Variants in HYAL4 observed in about 807,000 individuals in gnomAD.
The protein encoded by HYAL4 is hyaluronidase-4.
A neutral mutation model predicts 35.2 loss-of-function variants in HYAL4; 37 were observed. The observed-to-expected ratio is 1.05, with a 90% CI of 0.81 to 1.38. HYAL4 has a LOEUF of 1.38. Among genes scored for constraint, HYAL4 ranks in the 40% most tolerant of loss-of-function variants. The probability of loss-of-function intolerance (pLI) is 0.00; values close to 1 mark genes in which losing one functional copy is unlikely to be tolerated. For synonymous variants in HYAL4, 198 were observed against 203.2 expected, an observed-to-expected ratio of 0.97 and a Z score of 0.22; for missense variants, 572 against 572.4, an observed-to-expected ratio of 1.00 and a Z score of 0.01.
upstream of HYAL4, among the ~76,000 whole-genome samples, chr7:123,827,612 C>T (rs1053723547): frequency 2.0e-5 from 3 of 152,140 alleles, no homozygotes; most frequent in East Asian, 3.8e-4. Context: ...ATGAGACTGC[C>T]TCCGATTGAA....
the HYAL4 span, among the ~76,000 whole-genome samples, chr7:123,782,778 T>C: frequency 1.3e-5 from 2 of 152,160 alleles, no homozygotes; most frequent in East Asian, 3.9e-4. Context: ...TGTACTCGCT[T>C]CTGAGAAGTC....
chr7:123,840,783 C>G (rs1806044639), upstream of HYAL4, among the ~76,000 whole-genome samples: 1 of 151,926 alleles, frequency 6.6e-6, no homozygotes, highest in Admixed American at 6.6e-5. Context: ...ATTTGGCTCT[C>G]TGTTTGTCTG....
chr7:123,822,490 T>C, the HYAL4 span, among the ~76,000 whole-genome samples: 1 of 152,346 alleles, frequency 6.6e-6, no homozygotes, highest in Admixed American at 6.5e-5. Context: ...ATGTTGATTT[T>C]GTATCCTGCA....
At chr7:123,856,075 T>A (rs1206775796) in intron 2 of HYAL4, among the ~76,000 whole-genome samples, 2 of 151,958 alleles carry the variant, frequency 1.3e-5, no homozygotes, top group African/African-American at 4.8e-5. Flanking sequence ...TTCTCTAAAC[T>A]TGTTATCCTA....
At chr7:123,780,576 A>T in the HYAL4 span, among the ~76,000 whole-genome samples, 1 of 152,232 alleles carries the variant, frequency 6.6e-6, no homozygotes, top group East Asian at 1.9e-4. Context: ...ACAGCCAAAT[A>T]CAAAATATCT....
chr7:123,870,484 C>T (rs1322740184), intron 3 of HYAL4, among the ~76,000 whole-genome samples: 2 of 151,994 alleles, frequency 1.3e-5, no homozygotes, highest in Admixed American at 6.6e-5. Flanking sequence ...GTTATCTAGG[C>T]CGGGTGCAGT....
intron 3 of HYAL4, among the ~76,000 whole-genome samples, chr7:123,874,143 C>T (rs1283765740): frequency 6.6e-6 from 1 of 152,106 alleles, no homozygotes; most frequent in Admixed American, 6.5e-5. Context: ...TATGTGCCCC[C>T]GATTTATTTC....
intron 3 of HYAL4, among the ~76,000 whole-genome samples, chr7:123,874,427 G>A (rs554186673): frequency 1.1e-4 from 16 of 151,866 alleles, no homozygotes; most frequent in Admixed American, 7.9e-4. Flanking sequence ...CTTTTGAGGC[G>A]GAGTCTCACC....
chr7:123,875,230 T>G (rs868361129), intron 4 of HYAL4, among the ~76,000 whole-genome samples: 3 of 152,228 alleles, frequency 2.0e-5, no homozygotes, highest in South Asian at 4.1e-4. Flanking sequence ...AGTTTGATGA[T>G]GGACACCTTG....
intron 2 of HYAL4, among the ~76,000 whole-genome samples, chr7:123,851,367 A>G (rs755027160): frequency 1.1e-4 from 17 of 152,016 alleles, no homozygotes; most frequent in Non-Finnish European, 1.8e-4. Context: ...TACATTAGGT[A>G]TTTCTCCCAA....
intron 3 of HYAL4, among the ~76,000 whole-genome samples, chr7:123,869,738 A>C (rs1806819957): frequency 6.7e-6 from 1 of 150,324 alleles, no homozygotes; most frequent in Non-Finnish European, 1.5e-5. Context: ...CCTAGGCTGG[A>C]GTGTAATGAT....
At chr7:123,799,149 A>C in the HYAL4 span, among the ~76,000 whole-genome samples, 1 of 151,826 alleles carries the variant, frequency 6.6e-6, no homozygotes, top group African/African-American at 2.4e-5. Context: ...CTCATTACAA[A>C]CTCTTTTAGT....
chr7:123,867,491 C>T (rs540555852), intron 2 of HYAL4, among the ~76,000 whole-genome samples: 86 of 151,974 alleles, frequency 5.7e-4, no homozygotes, highest in South Asian at 2.5e-3. Context: ...GTTGGTTTAC[C>T]GAGAAAGGAA....
At chr7:123,869,970 A>G (rs903331992) in intron 3 of HYAL4, among the ~76,000 whole-genome samples, 1 of 152,098 alleles carries the variant, frequency 6.6e-6, no homozygotes, top group African/African-American at 2.4e-5. Context: ...GATTACAGGC[A>G]TGAGCCACCG....
At chr7:123,809,422 G>A in the HYAL4 span, among the ~76,000 whole-genome samples, 441 of 136,300 alleles carry the variant, frequency 3.2e-3, 4 homozygotes, top group African/African-American at 0.012. Context: ...TTGAGACAGA[G>A]TCTGACTCCG....
chr7:123,791,578 C>A, the HYAL4 span, among the ~76,000 whole-genome samples: 1 of 152,206 alleles, frequency 6.6e-6, no homozygotes, highest in Non-Finnish European at 1.5e-5. Flanking sequence ...AGGGGAAGGG[C>A]CTGGTTCTTG....
chr7:123,841,654 A>T (rs1039634526), upstream of HYAL4, among the ~76,000 whole-genome samples: 1 of 151,984 alleles, frequency 6.6e-6, no homozygotes, highest in Non-Finnish European at 1.5e-5. Flanking sequence ...GCTATTAATT[A>T]CTGCCTCAAT....
At position 123,868,879 on chromosome 7, in the gene HYAL4, C is replaced by T. The variant is rs746641350; in HGVS notation, c.606C>T (p.Thr202=). The T allele has an allele frequency of 4.3e-6, 7 of 1,613,994 alleles. No homozygotes were observed. The highest frequency in any genetic ancestry group is 5.9e-6 in the Non-Finnish European group (7 of 1,180,010). Reference sequence around the variant, plus strand: ...GTGCAAAAGCTTTCATGAAGGAAACCATCAAATTGGGAATTAAGAGCCGAC... The same window carrying T: ...GTGCAAAAGCTTTCATGAAGGAAACTATCAAATTGGGAATTAAGAGCCGAC... The part of the protein sequence containing the change: ...EESAKAFMKE[T]IKLGIKSRPK... Residue 202 remains threonine, a synonymous_variant, in exon 3 of 5, where the codon ACC becomes ACT. Coordinates refer to ENST00000223026, the MANE Select transcript of HYAL4 (RefSeq NM_012269.3).
At chr7:123,817,504 C>A in the HYAL4 span, among the ~76,000 whole-genome samples, 1 of 125,388 alleles carries the variant, frequency 8.0e-6, no homozygotes, top group Non-Finnish European at 1.8e-5. Flanking sequence ...CCAATGCATT[C>A]TTCTTCTTTT....
Sources: allele counts gnomAD v4.1 joint callset (sites outside exome capture counted in the v4.1 genomes callset), GRCh38; gene constraint gnomAD v4.1.1; transcripts MANE v1.5; gene names NCBI Gene and HGNC (gene_info 2026-07-23, HGNC 2026-07-21).